The following NXF3 variants were observed in gnomAD, a reference collection of about 807,000 sequenced individuals.
The protein encoded by NXF3 is nuclear RNA export factor 3.
A neutral mutation model predicts 48.4 loss-of-function variants in NXF3; 34 were observed. The observed-to-expected ratio is 0.70, with a 90% CI of 0.53 to 0.93. The LOEUF is 0.93. Ranked by LOEUF, NXF3 falls within the 40% of genes least tolerant of loss-of-function variation. The pLI is 0.00. For synonymous variants in NXF3, 132 were observed against 145.7 expected, an observed-to-expected ratio of 0.91 and a Z score of 0.68; for missense variants, 359 against 406.1, an observed-to-expected ratio of 0.88 and a Z score of 1.00.
Position 103,082,349 on chromosome X carries a change from C to G in NXF3, c.796G>C (p.Glu266Gln), listed in dbSNP as rs1254179339. Residue 266 changes from glutamate (E) to glutamine (Q), a missense_variant, in exon 9 of 20, where the codon GAG (glutamate) becomes CAG (glutamine). Glu to Gln is a conservative substitution (Grantham distance 29). Transcript: ENST00000395065. ...ENIPTVMSAG[E>Q]MDKWKGIEPG... ...TCTATCCCTTTCCACTTGTCCATCTCCCCTGCAGACATCACCTGCAATTAT... is the reference window on the plus strand; with the variant it reads ...TCTATCCCTTTCCACTTGTCCATCTGCCCTGCAGACATCACCTGCAATTAT... The G allele has an allele frequency of 8.4e-7, 1 of 1,196,953 alleles. No individual in the cohort carries two copies. Among genetic ancestry groups the G allele is most frequent in the African/African-American group, 1.8e-5 (1 of 56,731 alleles).
At position 103,084,383 on chromosome X, in the gene NXF3, T is replaced by G. The variant is rs1479083722; in HGVS notation, c.310A>C (p.Asn104His). Reference protein sequence around the residue: ...QKPPERRMEGNMPDGTLGSWF... With the variant: ...QKPPERRMEGHMPDGTLGSWF... ...CTCCCTAAGGTCCCATCCGGCATGT[T>G]CCCCTCCATTCTTCTCTCTGGAGGT... The change falls in exon 3 of 20, where the codon AAC becomes CAC. Residue 104 changes from asparagine to histidine, a missense_variant. Physicochemically the swap from Asn to His is moderately conservative, Grantham distance 68. Transcript: ENST00000395065. The G allele has an allele frequency of 8.3e-7, 1 of 1,209,875 alleles. No individual in the cohort carries two copies. The highest frequency in any genetic ancestry group is 1.8e-5 in the South Asian group (1 of 56,780).
chrX:103,083,574 T>C (rs750497225), intron 4 of NXF3, 35 bp downstream of exon 4: 17 of 1,180,233 alleles, frequency 1.4e-5, no homozygotes, highest in Non-Finnish European at 1.8e-5. Flanking sequence ...CAACCTGTCC[T>C]GTTTTCTCTC....
intron 8 of NXF3, 125 bp from the exon 9 acceptor site, chrX:103,082,489 C>T: frequency 2.0e-6 from 1 of 497,885 alleles, no homozygotes. Context: ...AATGAACCCT[C>T]CTCCCCCTTT....
Position 103,082,385 on chromosome X carries a change from C to T in NXF3, c.781-21G>A, listed in dbSNP as rs369872706. 5.6e-6 allele frequency: 6 copies of T among 1,081,012 alleles called. No homozygotes were observed. In the African/African-American group the frequency reaches 7.3e-5, roughly 13 times the overall value. The allele number at this position is 1,081,012 out of a possible 1,213,427, so 89.1% of individuals were successfully genotyped here. On this transcript the variant is annotated intron_variant, in intron 8 of 19. Transcript: ENST00000395065. ...ATCACCTGCAATTATGCAGAAGAAC[C>T]ACGTAGACCCAGGAAAGAGCAGCTG...
chrX:103,082,802 G>C lies in NXF3; in HGVS notation c.738C>G (p.Cys246Trp). The C allele has an allele frequency of 8.3e-7, 1 of 1,210,065 alleles. No homozygotes were observed. Among genetic ancestry groups the C allele is most frequent in the Non-Finnish European group, 1.1e-6 (1 of 894,029 alleles). The change falls in exon 8 of 20, where the codon TGC becomes TGG. Residue 246 changes from cysteine (C) to tryptophan (W), a missense_variant. Cys to Trp is a radical substitution (Grantham distance 215). Transcript: ENST00000395065. Reference sequence around the variant, plus strand: ...CATGGACGTCCAGGGAGGCAGCCATGCACTTTCTAGGATTCGATGCCATCT... The same window carrying C: ...CATGGACGTCCAGGGAGGCAGCCATCCACTTTCTAGGATTCGATGCCATCT... ...DTKMASNPRKCMAASLDVHEE... is the reference protein window; with the variant it reads ...DTKMASNPRKWMAASLDVHEE...
At chrX:103,088,309 G>T in intron 1 of NXF3, 1 of 541,039 alleles carries the variant, frequency 1.8e-6, no homozygotes, top group East Asian at 3.6e-5. Context: ...TCGTATTTCT[G>T]GTGAGCCGTG....
Position 103,079,993 on chromosome X carries a change from A to C in NXF3, c.1052+20T>G, listed in dbSNP as rs774332099. 9 of 1,209,527 alleles carry C rather than the reference A, an allele frequency of 7.4e-6. No homozygotes were observed. The highest frequency in any genetic ancestry group is 3.4e-6 in the Non-Finnish European group (3 of 893,549). On this transcript the variant is annotated intron_variant, in intron 12 of 19. Coordinates refer to ENST00000395065, the MANE Select transcript of NXF3 (RefSeq NM_022052.2). Reference sequence around the variant, plus strand: ...ATCTGACCTAGCCTTCTCTTGCCTCAGATTCCCAGGGATACTTACTGCTGC... The same window carrying C: ...ATCTGACCTAGCCTTCTCTTGCCTCCGATTCCCAGGGATACTTACTGCTGC...
chrX:103,081,626 C>T (rs1312033755), intron 9 of NXF3: 1 of 113,013 alleles, frequency 8.8e-6, no homozygotes, highest in Non-Finnish European at 1.9e-5. Flanking sequence ...GCCTTCCACT[C>T]CTGCCTCAGG....
At position 103,093,061 on chromosome X, in the gene NXF3, C is replaced by A. The variant is rs1324545808; in HGVS notation, c.-38G>T. On this transcript the variant is annotated 5_prime_UTR_variant, in exon 1 of 20. Transcript: ENST00000395065. Reference sequence around the variant, plus strand: ...CTTATAGGGCTCTCTTGAGGAGAATCTGTGTGGCCTGGGGACGGGAGTTTG... The same window carrying A: ...CTTATAGGGCTCTCTTGAGGAGAATATGTGTGGCCTGGGGACGGGAGTTTG... 8.6e-7 allele frequency: 1 copy of A among 1,165,449 alleles called. No individual in the cohort carries two copies. Among genetic ancestry groups the A allele is most frequent in the Non-Finnish European group, 1.2e-6 (1 of 854,648 alleles).
intron 9 of NXF3, 30 bp from the exon 10 acceptor site, chrX:103,080,642 G>A: frequency 5.8e-6 from 7 of 1,197,124 alleles, no homozygotes; most frequent in Non-Finnish European, 7.9e-6. Flanking sequence ...AATGGACAAC[G>A]GTAAGTGAAA....
At chrX:103,088,411 G>A (rs1321790107) in intron 1 of NXF3, 5 of 620,992 alleles carry the variant, frequency 8.1e-6, no homozygotes, top group Non-Finnish European at 1.0e-5. Context: ...TTGACTTTGC[G>A]ATTTTCTTGG....
At chrX:103,082,214 A>G (rs1922033519) in intron 9 of NXF3, 41 bp downstream of exon 9, 1 of 958,385 alleles carries the variant, frequency 1.0e-6, no homozygotes, top group African/African-American at 1.9e-5. Context: ...GCTATCAAAC[A>G]CAGGTCAGGG....
chrX:103,085,775 C>T (rs1922131298), intron 1 of NXF3, among the ~76,000 whole-genome samples: 1 of 108,173 alleles, frequency 9.2e-6, no homozygotes, highest in African/African-American at 3.4e-5. Flanking sequence ...TGATGGCGGG[C>T]GCCTGTAGTC....
rs189520071 is a variant in NXF3, at chrX:103,091,625, T to C, written c.28+1371A>G. 4.1e-3 allele frequency among the ~76,000 whole-genome samples: 453 copies of C among 110,388 alleles called. 2 individuals carry two copies. Among genetic ancestry groups the C allele is most frequent in the African/African-American group, 0.014 (435 of 30,295 alleles). Reference sequence around the variant, plus strand: ...CCCCATGGATACCAAGGGACAACTGTACTTATTTACCTTTATTATTATTGC... The same window carrying C: ...CCCCATGGATACCAAGGGACAACTGCACTTATTTACCTTTATTATTATTGC... On this transcript the variant is annotated intron_variant, in intron 1 of 19. Coordinates refer to ENST00000395065, the MANE Select transcript of NXF3 (RefSeq NM_022052.2).
rs1191070168 is a variant in NXF3 at position 103,088,175 on chromosome X, C to T, written c.29-3292G>A. 1.1e-5 allele frequency: 11 copies of T among 1,014,024 alleles called. No individual in the cohort carries two copies. The African/African-American group carries it at 2.1e-4, about 19-fold the overall frequency. 83.6% of individuals were successfully genotyped at this position (1,014,024 alleles called of 1,213,427 possible). On this transcript the variant is annotated intron_variant, in intron 1 of 19. Coordinates refer to ENST00000395065, the MANE Select transcript of NXF3 (RefSeq NM_022052.2). ...AAATTCCAAGCAGGTTCAAAAGAAGCTACAACTATAAAACCATTGTTAAAA... is the reference window on the plus strand; with the variant it reads ...AAATTCCAAGCAGGTTCAAAAGAAGTTACAACTATAAAACCATTGTTAAAA...
intron 1 of NXF3, among the ~76,000 whole-genome samples, chrX:103,092,647 C>T (rs1023961066): frequency 2.7e-5 from 3 of 113,087 alleles, no homozygotes; most frequent in African/African-American, 9.6e-5. Flanking sequence ...TATGCTGGGC[C>T]ATAAGGCTAG....
chrX:103,086,196 G>A (rs1171140332), intron 1 of NXF3, among the ~76,000 whole-genome samples: 1 of 111,638 alleles, frequency 9.0e-6, no homozygotes, highest in East Asian at 2.9e-4. Flanking sequence ...CGAGATGGGC[G>A]GATCATGAGG....
chrX:103,077,383 T>G, intron 18 of NXF3, among the ~76,000 whole-genome samples: 1 of 109,497 alleles, frequency 9.1e-6, no homozygotes, highest in Non-Finnish European at 1.9e-5. Flanking sequence ...CCCAAGTAGC[T>G]GGGACTACAG....
In NXF3 at chrX:103,079,655, G is replaced by A; in HGVS notation, c.1161-13C>T. ...GCAGAAGCTGCTCCTAGAAGAAAAA[G>A]AGGAGCAGGAGTGGGTGGTCTGGCC... On this transcript the variant is annotated splice_polypyrimidine_tract_variant and intron_variant, in intron 13 of 19. Transcript: ENST00000395065. 1 of 1,206,523 alleles carries A rather than the reference G, an allele frequency of 8.3e-7. No individual in the cohort carries two copies. The highest frequency in any genetic ancestry group is 1.8e-5 in the South Asian group (1 of 56,789).
Sources: allele counts gnomAD v4.1 joint callset (sites outside exome capture counted in the v4.1 genomes callset), GRCh38; gene constraint gnomAD v4.1.1; transcripts MANE v1.5; gene names NCBI Gene and HGNC (gene_info 2026-07-23, HGNC 2026-07-21).